The following HSD11B1 variants were observed in gnomAD, a reference collection of about 807,000 sequenced individuals.
HSD11B1 encodes hydroxysteroid 11-beta dehydrogenase 1.
A neutral mutation model predicts 22.1 loss-of-function variants in HSD11B1; 15 were observed. The ratio of observed to expected loss-of-function variants is 0.68; its 90% CI spans 0.45 to 1.04. HSD11B1 has a LOEUF of 1.04. HSD11B1 is among the 50% of genes least tolerant of loss of function. The pLI is 0.00. For missense variants in HSD11B1, 281 were observed against 357.6 expected, an observed-to-expected ratio of 0.79 and a Z score of 1.73; for synonymous variants, 122 against 125.2, an observed-to-expected ratio of 0.97 and a Z score of 0.17.
intron 4 of HSD11B1, among the ~76,000 whole-genome samples, chr1:209,716,565 GA>G (rs376787054): frequency 0.018 from 2,579 of 146,564 alleles, 95 homozygotes; most frequent in African/African-American, 0.06. Flanking sequence ...CATAGAAATA[GA>G]AAAAAAAAAC....
intron 5 of HSD11B1, among the ~76,000 whole-genome samples, chr1:209,732,936 ATGTGT>A (rs1434774796): frequency 2.0e-5 from 3 of 152,148 alleles, no homozygotes; most frequent in Non-Finnish European, 4.4e-5. Flanking sequence ...CCCTGACCTC[ATGTGT>A]AATGCACTAA....
chr1:209,688,141 C>T (rs993342233), intron 1 of HSD11B1, among the ~76,000 whole-genome samples: 1 of 152,176 alleles, frequency 6.6e-6, no homozygotes, highest in East Asian at 1.9e-4. Context: ...TCAGGCCCCT[C>T]CCCAACACAG....
intron 1 of HSD11B1, among the ~76,000 whole-genome samples, chr1:209,692,228 T>G (rs1050647561): frequency 6.6e-6 from 1 of 152,158 alleles, no homozygotes; most frequent in Non-Finnish European, 1.5e-5. Context: ...AAGTAGAAGT[T>G]CGGACCGGTA....
chr1:209,710,966 G>A (rs2076891251), intron 4 of HSD11B1, among the ~76,000 whole-genome samples: 1 of 152,158 alleles, frequency 6.6e-6, no homozygotes, highest in Non-Finnish European at 1.5e-5. Context: ...TAATGTACGT[G>A]TGCAGTCTTT....
rs2076860464 is a variant in HSD11B1, at chr1:209,706,592, A to G, written c.220-117A>G. ...CAACACACACACAAACATACTTACC[A>G]TTTCTTACCTAAACAGGGCTGTGAG... On this transcript the variant is annotated intron_variant, in intron 2 of 5. Transcript: ENST00000367027. The surrounding 1 kb of genome is among the most constrained non-coding windows in gnomAD (Gnocchi z 4.0). 6.4e-6 allele frequency: 5 copies of G among 781,474 alleles called. No homozygotes were observed. Among genetic ancestry groups the G allele is most frequent in the Non-Finnish European group, 1.2e-5 (5 of 427,450 alleles). The allele number at this position is 781,474 out of a possible 1,614,324, so 48.4% of individuals were successfully genotyped here.
rs1239527899 is a variant in HSD11B1 at position 209,706,210 on chromosome 1, C to T, written c.219+269C>T. On this transcript the variant is annotated intron_variant, in intron 2 of 5. Transcript: ENST00000367027. The surrounding 1 kb of genome is among the most constrained non-coding windows in gnomAD (Gnocchi z 4.0). ...TCCTTGAGTTATATATGCTCACAGA[C>T]ATGCCTAGTCACACACATTTACACA... Among the ~76,000 whole-genome samples the T allele has an allele frequency of 6.6e-6, 1 of 152,186 alleles. No individual in the cohort carries two copies. Among genetic ancestry groups the T allele is most frequent in the African/African-American group, 2.4e-5 (1 of 41,444 alleles).
At chr1:209,690,636 G>A (rs950600447) in intron 1 of HSD11B1, among the ~76,000 whole-genome samples, 1 of 152,182 alleles carries the variant, frequency 6.6e-6, no homozygotes, top group Non-Finnish European at 1.5e-5. Context: ...GGCAGAGGTT[G>A]CAGGGAGCCA....
chr1:209,699,415 G>T (rs2076813184), intron 1 of HSD11B1, among the ~76,000 whole-genome samples: 1 of 152,154 alleles, frequency 6.6e-6, no homozygotes, highest in Non-Finnish European at 1.5e-5. Flanking sequence ...AGCAGTAAGA[G>T]TAAAATGAGA....
At chr1:209,721,280 T>C (rs1017673520) in intron 4 of HSD11B1, among the ~76,000 whole-genome samples, 7 of 152,052 alleles carry the variant, frequency 4.6e-5, no homozygotes, top group Admixed American at 4.6e-4. Flanking sequence ...TTGATGACTG[T>C]ATTGTGATTA....
intron 1 of HSD11B1, among the ~76,000 whole-genome samples, chr1:209,695,549 A>G (rs185511713): frequency 1.9e-4 from 29 of 152,308 alleles, no homozygotes; most frequent in African/African-American, 7.0e-4. Flanking sequence ...GGTGGCTCAC[A>G]CCTGTAATCC....
chr1:209,729,124 C>A (rs545514748), intron 4 of HSD11B1, among the ~76,000 whole-genome samples: 1 of 152,054 alleles, frequency 6.6e-6, no homozygotes, highest in Admixed American at 6.5e-5. Flanking sequence ...TTTGGGAGGC[C>A]GAGGCAGGTG....
chr1:209,730,727 T>C (rs1244470549), intron 4 of HSD11B1, among the ~76,000 whole-genome samples: 1 of 152,234 alleles, frequency 6.6e-6, no homozygotes, highest in East Asian at 1.9e-4. Context: ...TTTCTCAGCA[T>C]CTTTATTAAA....
Position 209,727,730 on chromosome 1 carries a change from T to C in HSD11B1, c.518-4706T>C, listed in dbSNP as rs578180665. 2.6e-5 allele frequency among the ~76,000 whole-genome samples: 4 copies of C among 152,366 alleles called. No individual in the cohort carries two copies. In the East Asian group the frequency reaches 7.7e-4, roughly 29 times the overall value. On this transcript the variant is annotated intron_variant, in intron 4 of 5. Coordinates refer to ENST00000367027, the MANE Select transcript of HSD11B1 (RefSeq NM_005525.4). Reference sequence around the variant, plus strand: ...AGCATTTATCCTTTAGATTCTACACTGGCACATAAGAGCTAAATAAATGTT... The same window carrying C: ...AGCATTTATCCTTTAGATTCTACACCGGCACATAAGAGCTAAATAAATGTT...
At chr1:209,690,675 C>T (rs1404762748) in intron 1 of HSD11B1, among the ~76,000 whole-genome samples, 1 of 151,534 alleles carries the variant, frequency 6.6e-6, no homozygotes, top group South Asian at 2.1e-4. Flanking sequence ...CCAGCCTGAG[C>T]GACAAGAGTG....
chr1:209,732,209 C>T (rs2077039870), intron 4 of HSD11B1, among the ~76,000 whole-genome samples: 1 of 152,174 alleles, frequency 6.6e-6, no homozygotes, highest in Non-Finnish European at 1.5e-5. Context: ...AAAGCTTAAA[C>T]AGTCCCTCTT....
intron 1 of HSD11B1, among the ~76,000 whole-genome samples, chr1:209,690,498 A>G (rs900567140): frequency 7.9e-5 from 12 of 152,128 alleles, no homozygotes; most frequent in Non-Finnish European, 1.6e-4. Flanking sequence ...GGAGTTCAAG[A>G]CCAACCTGGC....
upstream of HSD11B1, among the ~76,000 whole-genome samples, chr1:209,704,556 G>A (rs144312521): frequency 3.8e-4 from 58 of 152,128 alleles, no homozygotes; most frequent in African/African-American, 1.3e-3. Flanking sequence ...CTCTCTCTCT[G>A]TCTTTGACAA....
At chr1:209,727,596 C>T (rs1372146401) in intron 4 of HSD11B1, among the ~76,000 whole-genome samples, 1 of 152,140 alleles carries the variant, frequency 6.6e-6, no homozygotes, top group Non-Finnish European at 1.5e-5. Flanking sequence ...AAGAACAGTG[C>T]CTTCTGTAGA....
At chr1:209,720,327 A>G (rs942270141) in intron 4 of HSD11B1, among the ~76,000 whole-genome samples, 2 of 152,150 alleles carry the variant, frequency 1.3e-5, no homozygotes, top group African/African-American at 4.8e-5. Flanking sequence ...GCCAAAATGC[A>G]TAACCTGAAT....
Sources: gnomAD v4.1 joint callset for allele counts (sites outside exome capture counted in the v4.1 genomes callset) on GRCh38, gnomAD v4.1.1 for gene constraint, Gnocchi (gnomAD v3.1) non-coding constraint, MANE v1.5 for transcripts, NCBI Gene and HGNC (gene_info 2026-07-23, HGNC 2026-07-21) for gene names.